Variants in RGS6 observed in about 807,000 individuals in gnomAD.
RGS6 encodes the protein regulator of G protein signaling 6.
Under a neutral mutation model 78.5 loss-of-function variants are expected in RGS6, and 30 were observed. The observed-to-expected ratio is 0.38, with a 90% confidence interval of 0.29 to 0.52. The LOEUF (loss-of-function observed/expected upper bound fraction) is 0.52. Among genes scored for constraint, RGS6 ranks in the 20% least tolerant of loss-of-function variants. The probability of loss-of-function intolerance (pLI) is 0.85; values close to 1 mark genes in which losing one functional copy is unlikely to be tolerated. For missense variants in RGS6, 495 were observed against 609.7 expected (o/e 0.81, Z 1.98); for synonymous variants, 206 against 206.0 (o/e 1.00, Z 0.00).
At chr14:71,912,046 A>G in the RGS6 span, among the ~76,000 whole-genome samples, 3 of 152,220 alleles carry the variant, frequency 2.0e-5, no homozygotes, top group Non-Finnish European at 4.4e-5. Flanking sequence ...GAAGACACAA[A>G]GCATCCCGTA....
chr14:72,010,405 A>G (rs879388590), intron 2 of RGS6, among the ~76,000 whole-genome samples: 2 of 152,216 alleles, frequency 1.3e-5, no homozygotes, highest in Non-Finnish European at 2.9e-5. Flanking sequence ...AAATGAGTTT[A>G]ATGTAGGGAA....
chr14:72,460,383 T>C (rs1384702144), intron 6 of RGS6, among the ~76,000 whole-genome samples: 1 of 152,222 alleles, frequency 6.6e-6, no homozygotes, highest in Non-Finnish European at 1.5e-5. Flanking sequence ...GTCTGAATGC[T>C]CCCTTGATTA....
At chr14:72,504,636 C>T (rs1382731470) in intron 13 of RGS6, among the ~76,000 whole-genome samples, 4 of 152,066 alleles carry the variant, frequency 2.6e-5, no homozygotes, top group East Asian at 1.9e-4. Flanking sequence ...TTCTTTATAG[C>T]TCTCCTCTTT....
chr14:72,193,588 T>C (rs2039270858), intron 2 of RGS6, among the ~76,000 whole-genome samples: 2 of 152,178 alleles, frequency 1.3e-5, no homozygotes, highest in South Asian at 4.1e-4. Context: ...AAACGGTCAA[T>C]GAATGAGTAG....
intron 17 of RGS6, chr14:72,541,138 A>T (rs2097321707): frequency 7.3e-7 from 1 of 1,370,696 alleles, no homozygotes. Context: ...AGCTGGCCAC[A>T]TTCCCTTCCC....
chr14:72,533,158 C>G lies in RGS6; in HGVS notation c.1279-3028C>G, dbSNP rs147483737. On this transcript the variant is annotated intron_variant, in intron 15 of 17. Coordinates refer to ENST00000553525, the MANE Select transcript of RGS6 (RefSeq NM_001204424.2). ...GTGACTATAAGTCGATGCCAATGCT[C>G]ATTTACTATTCTGAAAATCCTAGGG... 3.6e-3 allele frequency among the ~76,000 whole-genome samples: 544 copies of G among 152,286 alleles called. 4 individuals carry two copies. Among genetic ancestry groups the G allele is most frequent in the African/African-American group, 0.012 (512 of 41,556 alleles).
chr14:72,396,368 C>T (rs538726664), intron 3 of RGS6, among the ~76,000 whole-genome samples: 57 of 152,262 alleles, frequency 3.7e-4, no homozygotes, highest in African/African-American at 1.3e-3. Context: ...ATCCTTCACC[C>T]ACTTTTTGAT....
At chr14:72,084,898 C>G (rs1362327422) in intron 2 of RGS6, among the ~76,000 whole-genome samples, 1 of 152,134 alleles carries the variant, frequency 6.6e-6, no homozygotes, top group Non-Finnish European at 1.5e-5. Context: ...AAATATTTGA[C>G]CAGGTGGGAA....
intron 3 of RGS6, among the ~76,000 whole-genome samples, chr14:72,448,959 A>G (rs1237489787): frequency 6.6e-6 from 1 of 152,168 alleles, no homozygotes; most frequent in Non-Finnish European, 1.5e-5. Flanking sequence ...AACATGCGAT[A>G]ACAGGGTCAA....
chr14:72,452,204 T>G (rs1019616282), intron 3 of RGS6, among the ~76,000 whole-genome samples: 1 of 149,166 alleles, frequency 6.7e-6, no homozygotes, highest in Non-Finnish European at 1.5e-5. Context: ...CACAGGCACA[T>G]GTACACACAC....
the RGS6 span, among the ~76,000 whole-genome samples, chr14:72,614,312 G>T: frequency 6.6e-6 from 1 of 152,208 alleles, no homozygotes; most frequent in Non-Finnish European, 1.5e-5. Context: ...TAAAACAGCT[G>T]TTCCCCACCA....
intron 3 of RGS6, among the ~76,000 whole-genome samples, chr14:72,434,381 A>G (rs544531885): frequency 1.4e-4 from 21 of 152,334 alleles, no homozygotes; most frequent in African/African-American, 4.8e-4. Context: ...TTTTTAATGT[A>G]TCTCAAGCCC....
At position 72,566,269 on chromosome 14, in the gene RGS6, C is replaced by T. The variant is rs796747899; in HGVS notation, c.*3802C>T. On this transcript the variant is annotated 3_prime_UTR_variant, in exon 18 of 18. Transcript: ENST00000553525. ...GGGGACAGGGTCCAAATGACCAGGA[C>T]TTGGCCCTCTCCCCAGCCCCGATGA... 44 of 152,318 alleles carry T rather than the reference C, an allele frequency of 2.9e-4. 1 individual carries two copies. The highest frequency in any genetic ancestry group is 1.0e-3 in the African/African-American group (42 of 41,566). The allele number at this position is 152,318 out of a possible 1,614,324, so 9.4% of individuals were successfully genotyped here. A position where few individuals can be genotyped will look rare whatever the true frequency, so the allele number is the denominator to read the frequency against.
intron 2 of RGS6, among the ~76,000 whole-genome samples, chr14:72,213,303 G>T (rs1247241201): frequency 6.6e-6 from 1 of 151,956 alleles, no homozygotes; most frequent in Non-Finnish European, 1.5e-5. Context: ...CTTCTCAGTG[G>T]GCCAGGAAAG....
intron 2 of RGS6, among the ~76,000 whole-genome samples, chr14:72,162,612 C>T (rs1406744152): frequency 1.3e-5 from 2 of 152,070 alleles, no homozygotes; most frequent in African/African-American, 4.8e-5. Flanking sequence ...CCTCTATCTG[C>T]CACACTTTCT....
At chr14:72,440,948 T>C (rs1375448663) in intron 3 of RGS6, among the ~76,000 whole-genome samples, 1 of 148,780 alleles carries the variant, frequency 6.7e-6, no homozygotes, top group Non-Finnish European at 1.5e-5. Flanking sequence ...GTTGCATGCA[T>C]GCATGAGTTG....
intron 3 of RGS6, among the ~76,000 whole-genome samples, chr14:72,401,950 A>G (rs955393089): frequency 2.0e-5 from 3 of 152,222 alleles, no homozygotes. Context: ...AGATTTTAAA[A>G]GGTGTGAGTA....
chr14:72,094,519 A>G (rs540379249), intron 2 of RGS6, among the ~76,000 whole-genome samples: 114 of 152,296 alleles, frequency 7.5e-4, no homozygotes, highest in African/African-American at 2.6e-3. Flanking sequence ...CTTAATTTCA[A>G]TATAAATTTA....
chr14:71,986,438 G>A (rs1161061007), intron 2 of RGS6, among the ~76,000 whole-genome samples: 2 of 152,114 alleles, frequency 1.3e-5, no homozygotes, highest in African/African-American at 4.8e-5. Context: ...GCACAGTGGT[G>A]CATGCCTGTA....
Sources: allele counts gnomAD v4.1 joint callset (sites outside exome capture counted in the v4.1 genomes callset), GRCh38; gene constraint gnomAD v4.1.1; transcripts MANE v1.5; gene names NCBI Gene and HGNC (gene_info 2026-07-23, HGNC 2026-07-21).